The following RALGPS2 variants were observed in gnomAD, a reference collection of about 807,000 sequenced individuals.
RALGPS2 encodes Ral GEF with PH domain and SH3 binding motif 2.
In RALGPS2, 43 loss-of-function variants were observed where a neutral mutation model predicts 86.8. The ratio of observed to expected loss-of-function variants is 0.50; its 90% CI spans 0.39 to 0.64. RALGPS2 has a LOEUF of 0.64. Ranked by LOEUF, RALGPS2 falls within the 30% of genes least tolerant of loss-of-function variation. The pLI is 0.00. For missense variants in RALGPS2, 536 were observed against 694.6 expected (o/e 0.77, Z 2.57); for synonymous variants, 243 against 231.3 (o/e 1.05, Z -0.46).
intron 1 of RALGPS2, among the ~76,000 whole-genome samples, chr1:178,768,706 C>G (rs955642518): frequency 2.0e-5 from 3 of 152,118 alleles, no homozygotes; most frequent in African/African-American, 7.2e-5. Context: ...AGGGCTGGAC[C>G]AAGCAGGTCC....
At chr1:178,853,965 T>G (rs1255369277) in intron 8 of RALGPS2, among the ~76,000 whole-genome samples, 2 of 152,056 alleles carry the variant, frequency 1.3e-5, no homozygotes, top group African/African-American at 4.8e-5. Context: ...TCTGGAACAT[T>G]AATTTGTTTC....
rs372377784 is a variant in RALGPS2, at chr1:178,801,383, A to C, written c.214-6662A>C. On this transcript the variant is annotated intron_variant, in intron 4 of 19. Transcript: ENST00000367635. ...CTTAATAGTAGCAATAATAATAATAATACTAACACTAATACAGAGATTATT... is the reference window on the plus strand; with the variant it reads ...CTTAATAGTAGCAATAATAATAATACTACTAACACTAATACAGAGATTATT... Among the ~76,000 whole-genome samples the C allele has an allele frequency of 9.9e-5, 15 of 152,248 alleles. 2 individuals carry two copies. Among genetic ancestry groups the C allele is most frequent in the African/African-American group, 3.6e-4 (15 of 41,548 alleles).
chr1:178,737,561 C>T (rs1650784878), intron 1 of RALGPS2, among the ~76,000 whole-genome samples: 1 of 152,060 alleles, frequency 6.6e-6, no homozygotes, highest in South Asian at 2.1e-4. Flanking sequence ...CACCTTTAAT[C>T]AGATGATCAA....
chr1:178,790,578 G>A (rs1301796038), intron 4 of RALGPS2, among the ~76,000 whole-genome samples: 1 of 152,184 alleles, frequency 6.6e-6, no homozygotes, highest in Non-Finnish European at 1.5e-5. Context: ...TGTAGATGGT[G>A]TTCTGTTGTT....
intron 8 of RALGPS2, among the ~76,000 whole-genome samples, chr1:178,873,506 A>G (rs1389328503): frequency 1.3e-5 from 2 of 152,250 alleles, no homozygotes; most frequent in East Asian, 3.8e-4. Context: ...CGTGAGTGGG[A>G]GTATGAATTG....
chr1:178,859,188 A>G (rs868357061), intron 8 of RALGPS2, among the ~76,000 whole-genome samples: 1 of 152,094 alleles, frequency 6.6e-6, no homozygotes. Context: ...TAACTGGCTA[A>G]TACAGTCATT....
At chr1:178,827,631 G>T (rs1158699957) in intron 7 of RALGPS2, among the ~76,000 whole-genome samples, 1 of 151,928 alleles carries the variant, frequency 6.6e-6, no homozygotes, top group Non-Finnish European at 1.5e-5. Flanking sequence ...TCCTGACCTC[G>T]TGATCCGCCC....
intron 1 of RALGPS2, among the ~76,000 whole-genome samples, chr1:178,736,490 G>A (rs1650711404): frequency 1.3e-5 from 2 of 152,078 alleles, no homozygotes; most frequent in South Asian, 4.1e-4. Context: ...CGTTTTCAAT[G>A]AAAGTACTGT....
intron 10 of RALGPS2, among the ~76,000 whole-genome samples, chr1:178,880,635 T>C (rs907479397): frequency 2.6e-5 from 4 of 152,176 alleles, no homozygotes; most frequent in Non-Finnish European, 5.9e-5. Context: ...TTAAGTTTTG[T>C]CCAGTGAGAT....
At chr1:178,895,015 A>G (rs1303233817) in intron 16 of RALGPS2, among the ~76,000 whole-genome samples, 1 of 152,028 alleles carries the variant, frequency 6.6e-6, no homozygotes, top group Non-Finnish European at 1.5e-5. Context: ...TTTGTTTTCT[A>G]CATAACATAG....
At chr1:178,825,926 G>GT (rs1655723549) in intron 7 of RALGPS2, among the ~76,000 whole-genome samples, 1 of 152,116 alleles carries the variant, frequency 6.6e-6, no homozygotes, top group Non-Finnish European at 1.5e-5. Context: ...GAGAGATAAT[G>GT]AGCTGGAAGA....
intron 17 of RALGPS2, among the ~76,000 whole-genome samples, chr1:178,900,290 T>C (rs80059495): frequency 6.6e-6 from 1 of 151,926 alleles, no homozygotes; most frequent in African/African-American, 2.4e-5. Flanking sequence ...AAAGTATATA[T>C]TTTTTTGCCT....
At chr1:178,776,112 AT>A (rs1356616809) in intron 1 of RALGPS2, among the ~76,000 whole-genome samples, 2 of 152,190 alleles carry the variant, frequency 1.3e-5, no homozygotes, top group African/African-American at 4.8e-5. Context: ...ATACTGCACC[AT>A]TATATAAGGG....
rs1265194654 is a variant in RALGPS2 at position 178,821,612 on chromosome 1, A to G, written c.388A>G (p.Lys130Glu). Residue 130 changes from lysine (K) to glutamate (E), a missense_variant and splice_region_variant, in exon 7 of 20, where the codon AAA becomes GAA. Around this residue, in one of 3 missense-constraint regions of RALGPS2, gnomAD observed 184 missense variants for 296.7 expected, o/e 0.62. Coordinates refer to ENST00000367635, the MANE Select transcript of RALGPS2 (RefSeq NM_152663.5). Reference sequence around the variant, plus strand: ...CCCCCATTTTTTTTCAAATCTTCAGAAACTGTATGAGCTGAATAACCTTCA... The same window carrying G: ...CCCCCATTTTTTTTCAAATCTTCAGGAACTGTATGAGCTGAATAACCTTCA... ...VLSHYIKTAK[K>E]LYELNNLHAL... The G allele has an allele frequency of 6.2e-7, 1 of 1,607,412 alleles. No homozygotes were observed. Among genetic ancestry groups the G allele is most frequent in the Non-Finnish European group, 8.5e-7 (1 of 1,177,874 alleles).
intron 18 of RALGPS2, among the ~76,000 whole-genome samples, chr1:178,906,436 G>A (rs1169451210): frequency 5.3e-5 from 8 of 151,984 alleles, no homozygotes; most frequent in Non-Finnish European, 8.8e-5. Context: ...CCAATATTCT[G>A]CAGTCTTATC....
At chr1:178,852,701 C>G (rs1657254893) in intron 8 of RALGPS2, 1 of 1,613,332 alleles carries the variant, frequency 6.2e-7, no homozygotes, top group African/African-American at 1.3e-5. Context: ...ATATCTTTAT[C>G]TCTGTCCAGT....
At chr1:178,761,594 T>C (rs750147189) in intron 1 of RALGPS2, among the ~76,000 whole-genome samples, 1 of 152,046 alleles carries the variant, frequency 6.6e-6, no homozygotes, top group African/African-American at 2.4e-5. Context: ...AGAGTCTCAC[T>C]CTTTTGCCTG....
chr1:178,790,488 C>G (rs1253446786), intron 4 of RALGPS2, among the ~76,000 whole-genome samples: 1 of 152,182 alleles, frequency 6.6e-6, no homozygotes, highest in African/African-American at 2.4e-5. Flanking sequence ...TGGTCTGTAT[C>G]ATTCCTGTCT....
intron 4 of RALGPS2, among the ~76,000 whole-genome samples, chr1:178,805,207 A>G (rs1654683393): frequency 6.8e-6 from 1 of 146,168 alleles, no homozygotes; most frequent in South Asian, 2.1e-4. Flanking sequence ...GGTTGCAAAA[A>G]TTTTCTCCCA....
Sources: allele counts gnomAD v4.1 joint callset (sites outside exome capture counted in the v4.1 genomes callset), GRCh38; gene constraint gnomAD v4.1.1; regional missense constraint gnomAD v4.1.1; transcripts MANE v1.5; gene names NCBI Gene and HGNC (gene_info 2026-07-23, HGNC 2026-07-21).